The following TMPRSS2 variants were observed in gnomAD, a reference collection of about 807,000 sequenced individuals.
TMPRSS2 encodes the protein transmembrane serine protease 2.
TMPRSS2 carries 59 observed loss-of-function variants against 67.4 expected under a neutral mutation model. The ratio of observed to expected loss-of-function variants is 0.88; its 90% CI spans 0.71 to 1.09. The LOEUF (loss-of-function observed/expected upper bound fraction) is 1.09. Ranked by LOEUF, TMPRSS2 falls within the 50% of genes least tolerant of loss-of-function variation. The pLI, the probability that TMPRSS2 is intolerant of heterozygous loss-of-function variation, is 0.00. For synonymous variants in TMPRSS2, 257 were observed against 257.0 expected, an observed-to-expected ratio of 1.00 and a Z score of 0.00; for missense variants, 668 against 642.7, an observed-to-expected ratio of 1.04 and a Z score of -0.43.
At chr21:41,485,652 GAAA>G (rs35871560) in intron 5 of TMPRSS2, among the ~76,000 whole-genome samples, 1 of 131,130 alleles carries the variant, frequency 7.6e-6, no homozygotes, top group Non-Finnish European at 1.6e-5. Flanking sequence ...CTGTCTCCAG[GAAA>G]AAAAAAAAAA....
chr21:41,501,719 ACTG>A (rs1375746654), intron 1 of TMPRSS2, among the ~76,000 whole-genome samples: 1 of 152,130 alleles, frequency 6.6e-6, no homozygotes, highest in Non-Finnish European at 1.5e-5. Flanking sequence ...AAGGGGAAGC[ACTG>A]CTGTCCCGAA....
chr21:41,471,808 T>C lies in TMPRSS2; in HGVS notation c.1073A>G (p.Asn358Ser), dbSNP rs1012131929. The C allele has an allele frequency of 1.3e-6, 2 of 1,597,708 alleles. No individual in the cohort carries two copies. Among genetic ancestry groups the C allele is most frequent in the Admixed American group, 1.7e-5 (1 of 58,924 alleles). ...TGCCAAGCCTGAGCCACACGTACCG[T>C]TGAAAGTCAGAGGCTTCTGCAGCTT... is the stretch of plus-strand genomic sequence containing the variant. ...LMKLQKPLTF[N>S]DLVKPVCLPN... The change falls in exon 10 of 14, where the codon AAC becomes AGC. Residue 358 changes from asparagine to serine, a missense_variant and splice_region_variant. Asn to Ser is a conservative substitution (Grantham distance 46). Coordinates refer to ENST00000332149, the MANE Select transcript of TMPRSS2 (RefSeq NM_005656.4).
intron 3 of TMPRSS2, among the ~76,000 whole-genome samples, chr21:41,492,226 A>C (rs2091343200): frequency 6.6e-6 from 1 of 151,624 alleles, no homozygotes; most frequent in Non-Finnish European, 1.5e-5. Flanking sequence ...AACAAAAAAA[A>C]CCCACGCACA....
chr21:41,468,122 G>A (rs984421933), intron 12 of TMPRSS2: 13 of 612,710 alleles, frequency 2.1e-5, no homozygotes, highest in African/African-American at 5.5e-5. Context: ...ATAAATTGCC[G>A]TTCATAATTT....
chr21:41,497,711 G>T (rs1351491145), intron 2 of TMPRSS2, among the ~76,000 whole-genome samples: 3 of 152,170 alleles, frequency 2.0e-5, no homozygotes, highest in Non-Finnish European at 2.9e-5. Context: ...GGGAAGGCCC[G>T]CCCATGCCTC....
rs997667929 is a variant in TMPRSS2 at position 41,478,413 on chromosome 21, C to A, written c.683+759G>T. ...GCATAAGCCCTGGGGACCTGGGAGGCAAGGAGAGCTCATGGGCAAAGGACA... is the reference window on the plus strand; with the variant it reads ...GCATAAGCCCTGGGGACCTGGGAGGAAAGGAGAGCTCATGGGCAAAGGACA... On this transcript the variant is annotated intron_variant, in intron 7 of 13. Coordinates refer to ENST00000332149, the MANE Select transcript of TMPRSS2 (RefSeq NM_005656.4). This position sits in a 1 kb window ranked among gnomAD's most constrained non-coding sequence, Gnocchi z 4.0. Among the ~76,000 whole-genome samples the A allele has an allele frequency of 6.6e-6, 1 of 152,220 alleles. No individual in the cohort carries two copies. Among genetic ancestry groups the A allele is most frequent in the Non-Finnish European group, 1.5e-5 (1 of 68,032 alleles).
intron 12 of TMPRSS2, 102 bp downstream of exon 12, chr21:41,468,294 G>T: frequency 6.8e-7 from 1 of 1,471,720 alleles, no homozygotes; most frequent in Non-Finnish European, 9.3e-7. Context: ...CTGGCTCCGT[G>T]TCACTGAGGA....
chr21:41,473,408 G>C lies in TMPRSS2; in HGVS notation c.816C>G (p.Ser272Arg), dbSNP rs2091152332. ...ACACGTGGACGTTCTGGACGTGCAG[G>C]CTGACCTGCCAGGGCCAGGCCCCCG... ...ALPGAWPWQV[S>R]LHVQNVHVCG... is the part of the protein sequence containing the mutation. Residue 272 changes from serine (S) to arginine (R), a missense_variant, in exon 9 of 14, where the codon AGC becomes AGG. Ser to Arg is a moderately radical substitution (Grantham distance 110). Coordinates refer to ENST00000332149, the MANE Select transcript of TMPRSS2 (RefSeq NM_005656.4). 1 of 1,610,232 alleles carries C rather than the reference G, an allele frequency of 6.2e-7. No homozygotes were observed. The highest frequency in any genetic ancestry group is 2.2e-5 in the East Asian group (1 of 44,816).
chr21:41,502,456 G>T (rs942326323), intron 1 of TMPRSS2: 1 of 985,392 alleles, frequency 1.0e-6, no homozygotes, highest in East Asian at 1.1e-4. Context: ...CTGGAGGTGT[G>T]AGAGGGAACA....
At position 41,479,216 on chromosome 21, in the gene TMPRSS2, G is replaced by A; in HGVS notation, c.639C>T (p.Asn213=). 6.2e-7 allele frequency: 1 copy of A among 1,613,998 alleles called. No individual in the cohort carries two copies. The highest frequency in any genetic ancestry group is 1.6e-4 in the Middle Eastern group (1 of 6,062). The change falls in exon 7 of 14, where the codon AAC becomes AAT. Residue 213 remains asparagine, a synonymous_variant. Coordinates refer to ENST00000332149, the MANE Select transcript of TMPRSS2 (RefSeq NM_005656.4). ...AGATATCGACATTGCCGGCACTTGTGTTCAGTTTCATAAAGCTGGTGGATC... is the reference window on the plus strand; with the variant it reads ...AGATATCGACATTGCCGGCACTTGTATTCAGTTTCATAAAGCTGGTGGATC... ...DSGSTSFMKL[N]TSAGNVDIYK... is the part of the protein sequence containing the mutation.
Position 41,465,342 on chromosome 21 carries a change from A to G in TMPRSS2, c.*800T>C. 1 of 233,742 alleles carries G rather than the reference A, an allele frequency of 4.3e-6. No individual in the cohort carries two copies. The allele number at this position is 233,742 out of a possible 1,614,324, so 14.5% of individuals were successfully genotyped here. Reference sequence around the variant, plus strand: ...GGCCTGAAGAGGCCAACATGGTGCCAGACTTGGCGCCCTGCCAGGACCAAG... The same window carrying G: ...GGCCTGAAGAGGCCAACATGGTGCCGGACTTGGCGCCCTGCCAGGACCAAG... On this transcript the variant is annotated 3_prime_UTR_variant, in exon 14 of 14. Transcript: ENST00000332149.
At chr21:41,481,391 G>A (rs1446684314) in intron 5 of TMPRSS2, among the ~76,000 whole-genome samples, 2 of 152,182 alleles carry the variant, frequency 1.3e-5, no homozygotes, top group African/African-American at 4.8e-5. Flanking sequence ...CGTATTGCAT[G>A]ATCCCGCTCA....
chr21:41,473,068 G>A (rs964113147), intron 9 of TMPRSS2, among the ~76,000 whole-genome samples: 4 of 152,166 alleles, frequency 2.6e-5, no homozygotes, highest in African/African-American at 9.7e-5. Context: ...TGGAAGGAAC[G>A]CTGGTCACGG....
intron 1 of TMPRSS2, 87 bp from the exon 2 acceptor site, chr21:41,498,276 G>T: frequency 1.1e-6 from 1 of 893,644 alleles, no homozygotes; most frequent in Non-Finnish European, 1.7e-6. Context: ...AGAATCTCTA[G>T]ATGAAGGTTA....
chr21:41,507,000 T>C (rs1354456730), intron 1 of TMPRSS2, among the ~76,000 whole-genome samples: 1 of 152,128 alleles, frequency 6.6e-6, no homozygotes, highest in Non-Finnish European at 1.5e-5. Flanking sequence ...CGCCGTGCTA[T>C]CCTTTCCTTC....
At chr21:41,495,152 T>C (rs1452461537) in intron 2 of TMPRSS2, among the ~76,000 whole-genome samples, 2 of 152,306 alleles carry the variant, frequency 1.3e-5, no homozygotes, top group African/African-American at 2.4e-5. Context: ...ATTGAACTTA[T>C]TTAGAATAAA....
chr21:41,489,446 CT>C (rs1162198087), intron 4 of TMPRSS2, 60 bp downstream of exon 4: 1 of 1,450,144 alleles, frequency 6.9e-7, no homozygotes, highest in Admixed American at 1.8e-5. Context: ...AGAGCAGGGT[CT>C]GGCTCAGAGC....
Position 41,471,936 on chromosome 21 carries a change from CA to C in TMPRSS2, c.944del (p.Leu315Ter), listed in dbSNP as rs2091137023. 6.2e-7 allele frequency: 1 copy of C among 1,612,946 alleles called. No homozygotes were observed. The highest frequency in any genetic ancestry group is 8.5e-7 in the Non-Finnish European group (1 of 1,179,668). On this transcript the variant is annotated frameshift_variant, in exon 10 of 14. Coordinates refer to ENST00000332149, the MANE Select transcript of TMPRSS2 (RefSeq NM_005656.4). LOFTEE classifies it high-confidence loss of function. ...PWHWTAFAGILRQSFMFYGAG... is the reference protein window; with the variant it reads ...PWHWTAFAGIXRQSFMFYGAG... ...CTCCATAGAACATGAAAGATTGTCT[CA>C]AAATCCCCGCAAATGCCGTCCAATG... is the stretch of plus-strand genomic sequence containing the variant.
At chr21:41,475,592 GATGAGGGGGAGAGTGAGGAGGTGAGGA>G (rs2091203299) in intron 8 of TMPRSS2, among the ~76,000 whole-genome samples, 1 of 40,760 alleles carries the variant, frequency 2.5e-5, no homozygotes, top group Non-Finnish European at 5.6e-5. Context: ...GTGAGGGAGG[GATGAGGGGGAGAGTGAGGAGGTGAGGA>G]GGTGAGTGAG....
Sources: allele counts gnomAD v4.1 joint callset (sites outside exome capture counted in the v4.1 genomes callset), GRCh38; gene constraint gnomAD v4.1.1; non-coding constraint Gnocchi (gnomAD v3.1); transcripts MANE v1.5; gene names NCBI Gene and HGNC (gene_info 2026-07-23, HGNC 2026-07-21).